The following BBS1 variants were observed in gnomAD, a reference collection of about 807,000 sequenced individuals.
The protein encoded by BBS1 is Bardet-Biedl syndrome 1, also known as BBSome complex member BBS1.
Under a neutral mutation model 73.9 loss-of-function variants are expected in BBS1, and 60 were observed. The observed-to-expected ratio is 0.81, with a 90% CI of 0.66 to 1.01. The LOEUF is 1.01. Ranked by LOEUF, BBS1 falls within the 50% of genes least tolerant of loss-of-function variation. BBS1 has a pLI of 0.00. For missense variants in BBS1, 718 were observed against 770.3 expected (o/e 0.93, Z 0.80); for synonymous variants, 283 against 317.4 (o/e 0.89, Z 1.15).
At position 66,526,119 on chromosome 11, in the gene BBS1, A is replaced by G. The variant is rs185500674; in HGVS notation, c.1111-4A>G. The G allele has an allele frequency of 3.7e-6, 6 of 1,614,120 alleles. No homozygotes were observed. Among genetic ancestry groups the G allele is most frequent in the Middle Eastern group, 1.6e-4 (1 of 6,062 alleles). On this transcript the variant is annotated splice_polypyrimidine_tract_variant and splice_region_variant and intron_variant, in intron 11 of 16. Coordinates refer to ENST00000318312, the MANE Select transcript of BBS1 (RefSeq NM_024649.5). ...CCCAACTAAACTCTGACGTCTCCAC[A>G]TAGGATGCAGTGACCAGCCTTTGCT...
At chr11:66,514,146 T>G (rs373149679) in intron 3 of BBS1, among the ~76,000 whole-genome samples, 44 of 152,348 alleles carry the variant, frequency 2.9e-4, no homozygotes, top group African/African-American at 9.9e-4. Flanking sequence ...TATTCCTCAG[T>G]AGCACTTACC....
At chr11:66,514,371 C>T in intron 3 of BBS1, 35 bp from the exon 4 acceptor site, 4 of 1,613,312 alleles carry the variant, frequency 2.5e-6, no homozygotes, top group Non-Finnish European at 3.4e-6. Context: ...GGTCTTCAGA[C>T]CCTGAGCCTA....
intron 7 of BBS1, among the ~76,000 whole-genome samples, chr11:66,517,134 G>A (rs544453009): frequency 6.6e-6 from 1 of 151,528 alleles, no homozygotes; most frequent in African/African-American, 2.4e-5. Context: ...GGGAGGCGGA[G>A]CTTGCAGTGA....
At chr11:66,523,059 C>T (rs1422846387) in intron 9 of BBS1, 48 of 432,364 alleles carry the variant, frequency 1.1e-4, no homozygotes, top group Non-Finnish European at 5.0e-5. Flanking sequence ...CTAAAAACTG[C>T]ATTGACACAG....
chr11:66,523,778 C>G lies in BBS1; in HGVS notation c.1006C>G (p.Leu336Val), dbSNP rs765494351. 6.2e-6 allele frequency: 10 copies of G among 1,613,364 alleles called. No individual in the cohort carries two copies. The highest frequency in any genetic ancestry group is 8.5e-6 in the Non-Finnish European group (10 of 1,180,014). The change falls in exon 11 of 17, where the codon CTG becomes GTG. Residue 336 changes from leucine to valine, a missense_variant. Coordinates refer to ENST00000318312, the MANE Select transcript of BBS1 (RefSeq NM_024649.5). ...CGCAGCCATCCTGACCATGAACCTC[C>G]TGGAGCAGCATTCCCGGGGCCTGCA... The part of the protein sequence containing the change: ...MPAAILTMNL[L>V]EQHSRGLQAV...
intron 3 of BBS1, 134 bp from the exon 4 acceptor site, chr11:66,514,272 C>A: frequency 1.7e-6 from 2 of 1,209,878 alleles, no homozygotes; most frequent in Non-Finnish European, 2.4e-6. Flanking sequence ...CAAGGTCAGG[C>A]AGCTTGAAAG....
In BBS1 at chr11:66,523,980, T is replaced by G; in HGVS notation, c.1110+98T>G. 3 of 1,545,518 alleles carry G rather than the reference T, an allele frequency of 1.9e-6. No individual in the cohort carries two copies. In the African/African-American group the frequency reaches 4.1e-5, roughly 21 times the overall value. On this transcript the variant is annotated intron_variant, in intron 11 of 16. Coordinates refer to ENST00000318312, the MANE Select transcript of BBS1 (RefSeq NM_024649.5). ...CTCTTCCGACCACACATTGATGCAT[T>G]TCAAAAACATTTGTTGAGGCCAGGC...
In BBS1 at chr11:66,532,276, C is replaced by T; in HGVS notation, c.*239C>T. 1.8e-6 allele frequency: 1 copy of T among 570,460 alleles called. No individual in the cohort carries two copies. Among genetic ancestry groups the T allele is most frequent in the Non-Finnish European group, 3.1e-6 (1 of 318,096 alleles). 35.3% of individuals were successfully genotyped at this position (570,460 alleles called of 1,614,324 possible). ...CCAGCATGGTCCCACTGAAGTCCTA[C>T]TACGCCCTCCCCTCCCCAGCCTTTT... On this transcript the variant is annotated 3_prime_UTR_variant, in exon 17 of 17. Transcript: ENST00000318312.
chr11:66,533,358 C>G lies in BBS1; in HGVS notation c.*1321C>G, dbSNP rs965812932. On this transcript the variant is annotated 3_prime_UTR_variant, in exon 17 of 17. Transcript: ENST00000318312. ...GTACTGCTCCCCTACCCAGCAGTCA[C>G]TTCCAGTTCATTCAGCTATTTTTAA... The G allele has an allele frequency of 6.6e-6, 1 of 152,250 alleles. No homozygotes were observed. The highest frequency in any genetic ancestry group is 6.5e-5 in the Admixed American group (1 of 15,286). 9.4% of individuals were successfully genotyped at this position (152,250 alleles called of 1,614,324 possible). A position where few individuals can be genotyped will look rare whatever the true frequency, so the allele number is the denominator to read the frequency against.
chr11:66,521,946 C>T (rs1856249915), intron 9 of BBS1, among the ~76,000 whole-genome samples: 1 of 138,632 alleles, frequency 7.2e-6, no homozygotes. Flanking sequence ...GTGCCGGGTG[C>T]ATTGCCTCAC....
intron 3 of BBS1, 110 bp downstream of exon 3, chr11:66,511,349 T>G (rs1855942932): frequency 7.6e-7 from 1 of 1,319,724 alleles, no homozygotes; most frequent in African/African-American, 1.5e-5. Context: ...TCACATATAC[T>G]GTGAAAAAGC....
chr11:66,525,015 A>T (rs564900344), intron 11 of BBS1, among the ~76,000 whole-genome samples: 16 of 152,214 alleles, frequency 1.1e-4, no homozygotes, highest in Admixed American at 9.2e-4. Flanking sequence ...CCTGGCTAAC[A>T]CGGTAAAACC....
At chr11:66,518,673 G>T (rs1323174703) in intron 7 of BBS1, among the ~76,000 whole-genome samples, 1 of 151,536 alleles carries the variant, frequency 6.6e-6, no homozygotes, top group Non-Finnish European at 1.5e-5. Flanking sequence ...CACCATTTTG[G>T]CCAGGCTGGT....
intron 14 of BBS1, among the ~76,000 whole-genome samples, chr11:66,530,546 A>G (rs771903029): frequency 5.8e-4 from 88 of 152,322 alleles, no homozygotes; most frequent in Non-Finnish European, 1.1e-3. Flanking sequence ...AAGAGGCTAC[A>G]AGGCAACTCT....
In BBS1 at chr11:66,514,409, G is replaced by C; in HGVS notation, c.163G>C (p.Val55Leu). Residue 55 changes from valine to leucine, a missense_variant, in exon 4 of 17, where the codon GTG (valine) becomes CTG (leucine). Val to Leu is a conservative substitution (Grantham distance 32, BLOSUM62 1). Transcript: ENST00000318312. ...ATGAGCCATCCTCTCCCTGCAGCTGGTGGTAGGGGACCTTGGCCCTGGTGG... is the reference window on the plus strand; with the variant it reads ...ATGAGCCATCCTCTCCCTGCAGCTGCTGGTAGGGGACCTTGGCCCTGGTGG... ...DLHGDGEYKLVVGDLGPGGQQ... is the reference protein window; with the variant it reads ...DLHGDGEYKLLVGDLGPGGQQ... 6.2e-7 allele frequency: 1 copy of C among 1,614,088 alleles called. No individual in the cohort carries two copies. The highest frequency in any genetic ancestry group is 8.5e-7 in the Non-Finnish European group (1 of 1,180,042).
In BBS1 at chr11:66,524,258, C is replaced by A. The variant is rs185423446; in HGVS notation, c.1110+376C>A. The stretch of plus-strand genomic sequence containing the variant: ...TCAAACCATGGCACTTCAGCCTGGA[C>A]AACAGAGCGAGACTCCATCTTAAAA... On this transcript the variant is annotated intron_variant, in intron 11 of 16. Transcript: ENST00000318312. 2.0e-4 allele frequency: 67 copies of A among 339,364 alleles called. 1 individual carries two copies. In the East Asian group the frequency reaches 4.6e-3, roughly 23 times the overall value. The allele number at this position is 339,364 out of a possible 1,614,324, so 21.0% of individuals were successfully genotyped here.
intron 11 of BBS1, chr11:66,524,183 G>A (rs1856382355): frequency 2.5e-6 from 1 of 402,458 alleles, no homozygotes; most frequent in African/African-American, 2.1e-5. Context: ...AGGAGGTTGA[G>A]GTAGGAGAAT....
chr11:66,519,518 T>G, intron 7 of BBS1, 99 bp from the exon 8 acceptor site: 1 of 1,535,880 alleles, frequency 6.5e-7, no homozygotes, highest in Non-Finnish European at 8.9e-7. Flanking sequence ...TTCCTCTTCA[T>G]CCTCCTTTGC....
intron 9 of BBS1, among the ~76,000 whole-genome samples, chr11:66,522,090 G>A (rs1220977559): frequency 2.0e-5 from 3 of 150,566 alleles, no homozygotes; most frequent in Non-Finnish European, 3.0e-5. Flanking sequence ...GGTGGTGGGC[G>A]CCTGTAGTCC....
Sources: allele counts gnomAD v4.1 joint callset (sites outside exome capture counted in the v4.1 genomes callset), GRCh38; gene constraint gnomAD v4.1.1; transcripts MANE v1.5; gene names NCBI Gene and HGNC (gene_info 2026-07-23, HGNC 2026-07-21).